NELL1: variants seen among roughly 807,000 people sequenced by gnomAD.
NELL1 encodes neural EGFL like 1.
In NELL1, 76 loss-of-function variants were observed where a neutral mutation model predicts 107.4. That is an observed-to-expected ratio of 0.71 (90% CI 0.59 to 0.86). NELL1 has a LOEUF of 0.86. NELL1 is among the 40% of genes least tolerant of loss of function. The pLI, the probability that NELL1 is intolerant of heterozygous loss-of-function variation, is 0.00. For synonymous variants in NELL1, 353 were observed against 341.2 expected, an observed-to-expected ratio of 1.03 and a Z score of -0.38; for missense variants, 1,024 against 1,005.5, an observed-to-expected ratio of 1.02 and a Z score of -0.25.
chr11:20,773,982 C>T (rs902873080), intron 2 of NELL1, among the ~76,000 whole-genome samples: 16 of 151,374 alleles, frequency 1.1e-4, no homozygotes, highest in African/African-American at 3.6e-4. Flanking sequence ...CTCTCTCTTT[C>T]TTCTCTTCTC....
chr11:21,455,086 T>C (rs1853692185), intron 15 of NELL1, among the ~76,000 whole-genome samples: 1 of 152,224 alleles, frequency 6.6e-6, no homozygotes, highest in African/African-American at 2.4e-5. Flanking sequence ...TGATGACTAA[T>C]TTTCTTAGCT....
chr11:21,486,884 G>T (rs1157051784), intron 15 of NELL1, among the ~76,000 whole-genome samples: 1 of 151,992 alleles, frequency 6.6e-6, no homozygotes, highest in Non-Finnish European at 1.5e-5. Context: ...AATCTCAATA[G>T]TTGAAGACAA....
At chr11:21,469,005 TTTTTGTTTTG>T (rs374449961) in intron 15 of NELL1, among the ~76,000 whole-genome samples, 3 of 151,972 alleles carry the variant, frequency 2.0e-5, no homozygotes, top group Non-Finnish European at 4.4e-5. Flanking sequence ...TTTTGTTTGT[TTTTTGTTTTG>T]TTTTGTTTTG....
chr11:20,875,967 C>A (rs772317910), intron 4 of NELL1, among the ~76,000 whole-genome samples: 7 of 152,222 alleles, frequency 4.6e-5, no homozygotes, highest in Non-Finnish European at 8.8e-5. Flanking sequence ...GACCTCTCTC[C>A]TCTCTGTGAA....
At chr11:21,184,092 T>C (rs890571325) in intron 13 of NELL1, among the ~76,000 whole-genome samples, 19 of 151,836 alleles carry the variant, frequency 1.3e-4, no homozygotes, top group African/African-American at 4.1e-4. Flanking sequence ...CCAAGTTGGC[T>C]AGCAACTGGT....
intron 7 of NELL1, among the ~76,000 whole-genome samples, chr11:20,925,283 A>T (rs1278023977): frequency 6.6e-6 from 1 of 151,710 alleles, no homozygotes; most frequent in Non-Finnish European, 1.5e-5. Flanking sequence ...TTGTTGTATT[A>T]ATTTATTTAT....
At chr11:20,841,815 T>C (rs1406869056) in intron 3 of NELL1, among the ~76,000 whole-genome samples, 1 of 152,158 alleles carries the variant, frequency 6.6e-6, no homozygotes. Context: ...AATTAGTTTA[T>C]TTAAGACACA....
intron 12 of NELL1, among the ~76,000 whole-genome samples, chr11:21,103,996 C>T (rs1262978746): frequency 6.6e-6 from 1 of 152,152 alleles, no homozygotes; most frequent in African/African-American, 2.4e-5. Flanking sequence ...CGGCCTATAG[C>T]ATTTGGTAGC....
chr11:20,848,156 T>G (rs1848734724), intron 4 of NELL1, among the ~76,000 whole-genome samples: 1 of 152,212 alleles, frequency 6.6e-6, no homozygotes, highest in African/African-American at 2.4e-5. Context: ...GAGAAGCCTG[T>G]GCCACTGAAG....
chr11:21,398,099 T>G (rs2133792580), intron 15 of NELL1, among the ~76,000 whole-genome samples: 1 of 151,762 alleles, frequency 6.6e-6, no homozygotes, highest in African/African-American at 2.4e-5. Context: ...AGAATCAACC[T>G]GTATTTTTTA....
At chr11:20,740,104 T>C (rs566832291) in intron 2 of NELL1, among the ~76,000 whole-genome samples, 105 of 152,340 alleles carry the variant, frequency 6.9e-4, no homozygotes, top group South Asian at 5.4e-3. Context: ...CCAACACTTA[T>C]TGAGTGCAGA....
At chr11:21,021,748 A>T (rs1471296681) in intron 12 of NELL1, among the ~76,000 whole-genome samples, 1 of 152,104 alleles carries the variant, frequency 6.6e-6, no homozygotes, top group Non-Finnish European at 1.5e-5. Context: ...CTATCAAAAT[A>T]ATGTTCCATT....
chr11:21,483,999 AT>A (rs1854561889), intron 15 of NELL1, among the ~76,000 whole-genome samples: 1 of 37,448 alleles, frequency 2.7e-5, no homozygotes. Context: ...ACATATATAT[AT>A]ATATATATAT....
chr11:20,682,532 CA>C, intron 2 of NELL1, among the ~76,000 whole-genome samples: 1 of 151,790 alleles, frequency 6.6e-6, no homozygotes, highest in Admixed American at 6.6e-5. Context: ...GTAGATTCAT[CA>C]AATTATTCTG....
intron 4 of NELL1, among the ~76,000 whole-genome samples, chr11:20,879,607 G>A (rs1353880012): frequency 6.6e-6 from 1 of 151,942 alleles, no homozygotes; most frequent in Admixed American, 6.6e-5. Context: ...CAGGTGGGGC[G>A]GGGGTTTGGT....
At chr11:20,748,878 ATCC>A (rs1856064606) in intron 2 of NELL1, among the ~76,000 whole-genome samples, 1 of 146,598 alleles carries the variant, frequency 6.8e-6, no homozygotes, top group African/African-American at 2.7e-5. Context: ...TCTATCATCC[ATCC>A]ATCCATCCAT....
chr11:21,223,599 A>G (rs1470518359), intron 13 of NELL1, among the ~76,000 whole-genome samples: 1 of 152,012 alleles, frequency 6.6e-6, no homozygotes, highest in Non-Finnish European at 1.5e-5. Flanking sequence ...TACTCCTCTT[A>G]TTTTGTTAAT....
chr11:21,271,783 G>T (rs151237899), intron 14 of NELL1, among the ~76,000 whole-genome samples: 1 of 152,094 alleles, frequency 6.6e-6, no homozygotes, highest in African/African-American at 2.4e-5. Flanking sequence ...ATAACCAGGC[G>T]GTGTATATTA....
At chr11:20,894,301 C>A (rs1313318677) in intron 5 of NELL1, among the ~76,000 whole-genome samples, 3 of 148,262 alleles carry the variant, frequency 2.0e-5, no homozygotes, top group Non-Finnish European at 3.0e-5. Context: ...AAATTTGGAA[C>A]TTTTCTCATC....
Sources: allele counts gnomAD v4.1 joint callset (sites outside exome capture counted in the v4.1 genomes callset), GRCh38; gene constraint gnomAD v4.1.1; transcripts MANE v1.5; gene names NCBI Gene and HGNC (gene_info 2026-07-23, HGNC 2026-07-21).